CLDN10: variants seen among roughly 807,000 people sequenced by gnomAD.
CLDN10 encodes claudin-10.
CLDN10 carries 15 observed loss-of-function variants against 22.9 expected under a neutral mutation model. The observed-to-expected ratio is 0.65, with a 90% CI of 0.44 to 1.01. CLDN10 has a LOEUF of 1.01. CLDN10 is among the 50% of genes least tolerant of loss of function. The pLI is 0.00. For missense variants in CLDN10, 247 were observed against 287.8 expected (o/e 0.86, Z 1.03); for synonymous variants, 114 against 111.4 (o/e 1.02, Z -0.15).
intron 3 of CLDN10, among the ~76,000 whole-genome samples, chr13:95,569,414 A>T (rs1224448259): frequency 1.3e-5 from 2 of 151,898 alleles, no homozygotes; most frequent in Non-Finnish European, 2.9e-5. Flanking sequence ...TGAAACCCTG[A>T]CTCTATGAAA....
intron 1 of CLDN10, among the ~76,000 whole-genome samples, chr13:95,554,576 A>T (rs948559766): frequency 2.0e-5 from 3 of 152,162 alleles, no homozygotes; most frequent in Non-Finnish European, 4.4e-5. Context: ...AACAGAGAGG[A>T]GTGACATTTT....
At chr13:95,447,731 G>T (rs1566648274) in intron 1 of CLDN10, among the ~76,000 whole-genome samples, 1 of 145,154 alleles carries the variant, frequency 6.9e-6, no homozygotes, top group Non-Finnish European at 1.5e-5. Flanking sequence ...CGAGAAGGGG[G>T]AGTGCACATG....
At chr13:95,526,156 G>T (rs1384654136) in intron 1 of CLDN10, among the ~76,000 whole-genome samples, 1 of 151,966 alleles carries the variant, frequency 6.6e-6, no homozygotes, top group African/African-American at 2.4e-5. Context: ...TTCTTTAGCT[G>T]TGCTTATCTC....
chr13:95,438,383 G>A (rs1447147524), intron 1 of CLDN10, among the ~76,000 whole-genome samples: 2 of 152,220 alleles, frequency 1.3e-5, no homozygotes, highest in African/African-American at 4.8e-5. Flanking sequence ...GGGATTACAG[G>A]CATGGGCCAT....
chr13:95,442,325 C>T (rs2042331928), intron 1 of CLDN10, among the ~76,000 whole-genome samples: 1 of 152,212 alleles, frequency 6.6e-6, no homozygotes, highest in Non-Finnish European at 1.5e-5. Flanking sequence ...TTGTTTCCAA[C>T]CAGGACTGCA....
chr13:95,510,687 T>C (rs932246475), intron 1 of CLDN10, among the ~76,000 whole-genome samples: 2 of 152,082 alleles, frequency 1.3e-5, no homozygotes, highest in African/African-American at 2.4e-5. Flanking sequence ...TTATATAAAA[T>C]ATGTATATTC....
intron 3 of CLDN10, among the ~76,000 whole-genome samples, chr13:95,567,790 G>T (rs1466976250): frequency 6.6e-6 from 1 of 152,096 alleles, no homozygotes; most frequent in Non-Finnish European, 1.5e-5. Flanking sequence ...TTTGAGATGT[G>T]TTCCATCAAT....
At chr13:95,527,747 C>T (rs752626382) in intron 1 of CLDN10, among the ~76,000 whole-genome samples, 1 of 152,036 alleles carries the variant, frequency 6.6e-6, no homozygotes, top group Non-Finnish European at 1.5e-5. Context: ...AAAACAACAA[C>T]AACAAAAATA....
At chr13:95,466,295 T>C (rs1291202593) in intron 1 of CLDN10, among the ~76,000 whole-genome samples, 1 of 152,042 alleles carries the variant, frequency 6.6e-6, no homozygotes, top group African/African-American at 2.4e-5. Context: ...TGTTGTCTGC[T>C]TTTGGTGTTG....
intron 1 of CLDN10, among the ~76,000 whole-genome samples, chr13:95,526,577 T>C (rs974122667): frequency 1.3e-5 from 2 of 151,860 alleles, no homozygotes; most frequent in African/African-American, 4.8e-5. Flanking sequence ...TGTAGAAAAA[T>C]GGCAAGAAGG....
chr13:95,483,881 G>A (rs1252010135), intron 1 of CLDN10, among the ~76,000 whole-genome samples: 3 of 152,234 alleles, frequency 2.0e-5, no homozygotes, highest in Non-Finnish European at 2.9e-5. Context: ...GTATTGGGAT[G>A]TGGGGCCTTT....
At chr13:95,528,992 G>C (rs560519954) in intron 1 of CLDN10, among the ~76,000 whole-genome samples, 3 of 152,016 alleles carry the variant, frequency 2.0e-5, no homozygotes, top group Admixed American at 6.6e-5. Flanking sequence ...GCCAATCAAG[G>C]GTGTTTTGTT....
chr13:95,528,611 A>G (rs921505962), intron 1 of CLDN10: 1 of 152,248 alleles, frequency 6.6e-6, no homozygotes, highest in African/African-American at 2.4e-5. Flanking sequence ...AATTCAAATA[A>G]GGTATCAGCA....
rs546409101 is a variant in CLDN10, at chr13:95,568,048, G to A, written c.464+7585G>A. Among the ~76,000 whole-genome samples, 5 of 152,224 alleles carry A rather than the reference G, an allele frequency of 3.3e-5. No homozygotes were observed. The East Asian group carries it at 9.6e-4, about 29-fold the overall frequency. Reference sequence around the variant, plus strand: ...AGGCTATACAGATTTTCCTGGGTGAGGTTGAAAAGAATATTGACCTCATCA... The same window carrying A: ...AGGCTATACAGATTTTCCTGGGTGAAGTTGAAAAGAATATTGACCTCATCA... On this transcript the variant is annotated intron_variant, in intron 3 of 4. Transcript: ENST00000299339.
chr13:95,520,950 G>A (rs2043218611), intron 1 of CLDN10, among the ~76,000 whole-genome samples: 1 of 150,950 alleles, frequency 6.6e-6, no homozygotes, highest in Non-Finnish European at 1.5e-5. Flanking sequence ...GGGCGACAGA[G>A]CGAGACTCCT....
intron 1 of CLDN10, among the ~76,000 whole-genome samples, chr13:95,506,472 T>C (rs1354159963): frequency 6.6e-6 from 1 of 152,198 alleles, no homozygotes; most frequent in Non-Finnish European, 1.5e-5. Context: ...TCTGATCTTT[T>C]TCATGCCCTC....
At chr13:95,518,451 A>G (rs1440944131) in intron 1 of CLDN10, among the ~76,000 whole-genome samples, 1 of 152,142 alleles carries the variant, frequency 6.6e-6, no homozygotes, top group East Asian at 1.9e-4. Context: ...AAAAAAATCT[A>G]TACATAAAAA....
At chr13:95,444,864 G>A (rs564234944) in intron 1 of CLDN10, among the ~76,000 whole-genome samples, 6 of 152,120 alleles carry the variant, frequency 3.9e-5, no homozygotes, top group Admixed American at 1.3e-4. Context: ...GTGCTATCTC[G>A]GCTCACTACC....
intron 1 of CLDN10, among the ~76,000 whole-genome samples, chr13:95,453,660 G>A (rs1032484428): frequency 6.6e-6 from 1 of 151,702 alleles, no homozygotes; most frequent in Non-Finnish European, 1.5e-5. Context: ...CTTCAGCCTG[G>A]GCAGCAGAGT....
Sources: gnomAD v4.1 joint callset for allele counts (sites outside exome capture counted in the v4.1 genomes callset) on GRCh38, gnomAD v4.1.1 for gene constraint, MANE v1.5 for transcripts, NCBI Gene and HGNC (gene_info 2026-07-23, HGNC 2026-07-21) for gene names.